ARHGAP36: variants seen among roughly 807,000 people sequenced by gnomAD.
ARHGAP36 encodes rho GTPase-activating protein 36.
ARHGAP36 carries 7 observed loss-of-function variants against 32.9 expected under a neutral mutation model. The observed-to-expected ratio is 0.21, with a 90% CI of 0.12 to 0.40. The LOEUF is 0.40. Among genes scored for constraint, ARHGAP36 ranks in the 10% least tolerant of loss-of-function variants. The probability of loss-of-function intolerance (pLI) is 1.00; values close to 1 mark genes in which losing one functional copy is unlikely to be tolerated. For synonymous variants in ARHGAP36, 165 were observed against 168.3 expected (o/e 0.98, Z 0.15); for missense variants, 383 against 442.2 (o/e 0.87, Z 1.20).
At chrX:131,076,196 G>A (rs1309953394) in intron 1 of ARHGAP36, among the ~76,000 whole-genome samples, 1 of 111,854 alleles carries the variant, frequency 8.9e-6, no homozygotes, top group Non-Finnish European at 1.9e-5. Context: ...AGACAAATTA[G>A]GCATTAAAAA....
At chrX:131,073,026 G>T (rs1239533694) in intron 1 of ARHGAP36, 1 of 111,828 alleles carries the variant, frequency 8.9e-6, no homozygotes, top group Non-Finnish European at 1.9e-5. Context: ...TGCAGGGGTA[G>T]GGCACCAGTG....
intron 1 of ARHGAP36, among the ~76,000 whole-genome samples, chrX:131,064,070 G>C (rs2079684280): frequency 9.0e-6 from 1 of 111,653 alleles, no homozygotes; most frequent in Non-Finnish European, 1.9e-5. Flanking sequence ...GTGAAAGTGA[G>C]GGCAAAGCAA....
At chrX:131,064,653 C>A (rs1048458515) in intron 1 of ARHGAP36, among the ~76,000 whole-genome samples, 1 of 111,428 alleles carries the variant, frequency 9.0e-6, no homozygotes, top group Non-Finnish European at 1.9e-5. Flanking sequence ...GGTGAAGTAT[C>A]CTTCCCAAGA....
intron 1 of ARHGAP36, among the ~76,000 whole-genome samples, chrX:131,058,880 C>G (rs902328088): frequency 8.8e-6 from 1 of 113,168 alleles, no homozygotes; most frequent in Non-Finnish European, 1.9e-5. Flanking sequence ...TTGTCTCAAT[C>G]TCAAACACAG....
rs2079705272 is a variant in ARHGAP36 at position 131,067,445 on chromosome X, C to T, written c.-143+9001C>T. Among the ~76,000 whole-genome samples the T allele has an allele frequency of 2.6e-5, 3 of 113,331 alleles. No homozygotes were observed. The South Asian group carries it at 1.1e-3, about 41-fold the overall frequency. ...CAGCCAGGTACATTCACACCCTGCCCCAGCGGGCCTTGCCGACACAGAGGT... is the reference window on the plus strand; with the variant it reads ...CAGCCAGGTACATTCACACCCTGCCTCAGCGGGCCTTGCCGACACAGAGGT... On this transcript the variant is annotated intron_variant, in intron 1 of 11. Coordinates refer to ENST00000276211, the MANE Select transcript of ARHGAP36 (RefSeq NM_144967.4).
chrX:131,088,568 G>A (rs2148644471), intron 11 of ARHGAP36, 60 bp from the exon 12 acceptor site: 6 of 1,149,281 alleles, frequency 5.2e-6, no homozygotes, highest in Non-Finnish European at 7.0e-6. Context: ...AGTGCCTTGG[G>A]TGCTGCGCAA....
chrX:131,059,123 T>C (rs188364031), intron 1 of ARHGAP36, among the ~76,000 whole-genome samples: 1 of 112,147 alleles, frequency 8.9e-6, no homozygotes, highest in East Asian at 2.8e-4. Flanking sequence ...GGTTTCCCTA[T>C]TTCTGTGGAA....
chrX:131,081,729 T>C lies in ARHGAP36; in HGVS notation c.64T>C (p.Leu22=). The C allele has an allele frequency of 8.3e-7, 1 of 1,211,665 alleles. No individual in the cohort carries two copies. ...ACTGTGCCCCAGAATCATGCCCCCT[T>C]TGCTGTTGTTGTCCGCCTTCATTTT... is the stretch of plus-strand genomic sequence containing the variant. ...RALCPRIMPP[L]LLLSAFIFLV... Residue 22 remains leucine, a synonymous_variant, in exon 2 of 12, where the codon TTG becomes CTG. Transcript: ENST00000276211.
chrX:131,072,878 T>G (rs762185629), intron 1 of ARHGAP36: 1 of 110,650 alleles, frequency 9.0e-6, no homozygotes, highest in Non-Finnish European at 1.9e-5. Flanking sequence ...TTCCAGAGAG[T>G]AGGGGAATCT....
At chrX:131,086,148 G>C (rs916192893) in intron 9 of ARHGAP36, 59 bp downstream of exon 9, 42 of 1,172,706 alleles carry the variant, frequency 3.6e-5, no homozygotes, top group Non-Finnish European at 4.4e-5. Flanking sequence ...CACAAGGCAA[G>C]GCACAGTTGT....
chrX:131,084,179 A>G, intron 4 of ARHGAP36, 36 bp from the exon 5 acceptor site: 1 of 1,164,777 alleles, frequency 8.6e-7, no homozygotes, highest in Non-Finnish European at 1.1e-6. Context: ...GACTCTCTTT[A>G]TTTCCCATTT....
At chrX:131,075,113 C>G (rs894690327) in intron 1 of ARHGAP36, among the ~76,000 whole-genome samples, 2 of 112,262 alleles carry the variant, frequency 1.8e-5, no homozygotes, top group South Asian at 7.4e-4. Flanking sequence ...GCTAAGTCTT[C>G]CTCTCAAGTT....
chrX:131,078,807 G>A, intron 1 of ARHGAP36: 4 of 883,287 alleles, frequency 4.5e-6, no homozygotes, highest in Non-Finnish European at 6.0e-6. Context: ...CTGCTCTTAA[G>A]TTTAGCCCTG....
chrX:131,084,258 C>T lies in ARHGAP36; in HGVS notation c.599C>T (p.Ala200Val), dbSNP rs777596367. The T allele has an allele frequency of 5.0e-5, 61 of 1,208,734 alleles. No individual in the cohort carries two copies. The highest frequency in any genetic ancestry group is 6.4e-5 in the Non-Finnish European group (57 of 894,707). Residue 200 changes from alanine to valine, a missense_variant, in exon 5 of 12, where the codon GCC becomes GTC. Physicochemically the swap from Ala to Val is moderately conservative, Grantham distance 64. This residue lies in a region of ARHGAP36 where 227 missense variants were observed against 311.3 expected (regional missense o/e 0.73). Coordinates refer to ENST00000276211, the MANE Select transcript of ARHGAP36 (RefSeq NM_144967.4). ...AGTCTGGCTGAGCTGGAAGACGGAG[C>T]CCTGCTGCTGCAGACCCTGCAGCTT... ...VDSLAELEDG[A>V]LLLQTLQLSK...
chrX:131,085,979 G>T lies in ARHGAP36; in HGVS notation c.1171G>T (p.Gly391Ter). 8.3e-7 allele frequency: 1 copy of T among 1,211,503 alleles called. No individual in the cohort carries two copies. The highest frequency in any genetic ancestry group is 1.1e-6 in the Non-Finnish European group (1 of 895,303). The change falls in exon 9 of 12, where the codon GGA becomes TGA. Residue 391 changes from glycine to a stop codon, truncating the protein, a stop_gained. Coordinates refer to ENST00000276211, the MANE Select transcript of ARHGAP36 (RefSeq NM_144967.4). LOFTEE classifies it high-confidence loss of function. ...GTTTGGATCTGCTCTCCTGAAAAAA[G>T]GAAAGTTTGGCAAGAGAGAGTCCAG... The part of the protein sequence containing the change: ...LVFGSALLKK[G>*]KFGKRESRKT...
intron 1 of ARHGAP36, among the ~76,000 whole-genome samples, chrX:131,080,586 T>C (rs1158848720): frequency 9.0e-6 from 1 of 111,482 alleles, no homozygotes; most frequent in African/African-American, 3.3e-5. Flanking sequence ...TGGGGATGCT[T>C]TGTAGTCTGG....
chrX:131,086,723 A>G (rs1381445454), intron 11 of ARHGAP36, 58 bp downstream of exon 11: 3 of 1,093,840 alleles, frequency 2.7e-6, no homozygotes, highest in Non-Finnish European at 2.5e-6. Context: ...GTTGAAGGTC[A>G]GGCCCTTTTT....
rs760311956 is a variant in ARHGAP36, at chrX:131,069,386, C to G, written c.-143+10942C>G. Among the ~76,000 whole-genome samples the G allele has an allele frequency of 1.1e-3, 121 of 112,080 alleles. 1 individual carries two copies. The highest frequency in any genetic ancestry group is 3.9e-3 in the African/African-American group (119 of 30,833). On this transcript the variant is annotated intron_variant, in intron 1 of 11. Coordinates refer to ENST00000276211, the MANE Select transcript of ARHGAP36 (RefSeq NM_144967.4). The stretch of plus-strand genomic sequence containing the variant: ...AGTTCTTTATAGGTTCGAATCCCAG[C>G]TCTGCCACTTCTTAGCTGACTAACG...
At chrX:131,073,632 T>C (rs1322395268) in intron 1 of ARHGAP36, among the ~76,000 whole-genome samples, 1 of 112,714 alleles carries the variant, frequency 8.9e-6, no homozygotes, top group African/African-American at 3.2e-5. Context: ...TTTGCAGACG[T>C]GAGAGTTGTG....
Sources: allele counts gnomAD v4.1 joint callset (sites outside exome capture counted in the v4.1 genomes callset), GRCh38; gene constraint gnomAD v4.1.1; regional missense constraint gnomAD v4.1.1; transcripts MANE v1.5; gene names NCBI Gene and HGNC (gene_info 2026-07-23, HGNC 2026-07-21).